Variants in CHAF1A observed in about 807,000 individuals in gnomAD.
CHAF1A encodes CAF-1 subunit A.
Under a neutral mutation model 93.2 loss-of-function variants are expected in CHAF1A, and 5 were observed. That is an observed-to-expected ratio of 0.05 (90% CI 0.03 to 0.11). CHAF1A has a LOEUF of 0.11. Ranked by LOEUF, CHAF1A falls within the 10% of genes least tolerant of loss-of-function variation. The pLI is 1.00. For missense variants in CHAF1A, 1,102 were observed against 1,259.9 expected (o/e 0.87, Z 1.90); for synonymous variants, 504 against 510.3 (o/e 0.99, Z 0.17).
intron 3 of CHAF1A, 22 bp from the exon 4 acceptor site, chr19:4,417,998 G>C (rs373866990): frequency 6.3e-5 from 99 of 1,573,584 alleles, no homozygotes; most frequent in Non-Finnish European, 8.5e-5. Context: ...CGTGTTTAAA[G>C]ATAAACGTCT....
intron 7 of CHAF1A, among the ~76,000 whole-genome samples, chr19:4,426,858 A>G (rs1229192261): frequency 6.6e-6 from 1 of 152,072 alleles, no homozygotes; most frequent in Non-Finnish European, 1.5e-5. Context: ...GGGGAGGCCA[A>G]GGCGGGTGAA....
chr19:4,440,653 T>C (rs547055245), intron 13 of CHAF1A, among the ~76,000 whole-genome samples: 1 of 151,964 alleles, frequency 6.6e-6, no homozygotes, highest in African/African-American at 2.4e-5. Context: ...AATTTCATGG[T>C]TGGGTGGGGC....
chr19:4,436,043 G>A (rs1300365213), intron 13 of CHAF1A, among the ~76,000 whole-genome samples: 14 of 152,088 alleles, frequency 9.2e-5, no homozygotes, highest in Admixed American at 9.2e-4. Context: ...GGAGGTTGAG[G>A]CAGGAGAATC....
intron 2 of CHAF1A, among the ~76,000 whole-genome samples, chr19:4,407,806 GGTGTAGTA>G (rs1322511386): frequency 6.6e-6 from 1 of 151,950 alleles, no homozygotes; most frequent in Non-Finnish European, 1.5e-5. Context: ...AAATTAGCTG[GGTGTAGTA>G]GTGCATGCCT....
In CHAF1A at chr19:4,409,526, C is replaced by G. The variant is rs1269656590; in HGVS notation, c.727C>G (p.Gln243Glu). 4 of 1,614,110 alleles carry G rather than the reference C, an allele frequency of 2.5e-6. No individual in the cohort carries two copies. The highest frequency in any genetic ancestry group is 1.1e-5 in the South Asian group (1 of 91,082). The change falls in exon 3 of 15, where the codon CAG becomes GAG. Residue 243 changes from glutamine (Q) to glutamate (E), a missense_variant. Physicochemically the swap from Gln to Glu is conservative, Grantham distance 29. Coordinates refer to ENST00000301280, the MANE Select transcript of CHAF1A (RefSeq NM_005483.3). ...AGGGAAGGTGCCTATGGTGGTCTTG[C>G]AGGACATCTTGGCTGTGAGACCACC... ...FKGKVPMVVL[Q>E]DILAVRPPQI...
intron 3 of CHAF1A, among the ~76,000 whole-genome samples, chr19:4,413,537 G>A (rs887452347): frequency 1.3e-5 from 2 of 152,162 alleles, no homozygotes; most frequent in Non-Finnish European, 2.9e-5. Context: ...AGATTGTTTC[G>A]CACTGCCGTG....
At chr19:4,417,013 T>A (rs948987221) in intron 3 of CHAF1A, among the ~76,000 whole-genome samples, 2 of 152,190 alleles carry the variant, frequency 1.3e-5, no homozygotes, top group African/African-American at 4.8e-5. Context: ...TTTTATTTTT[T>A]TTTTAGACAG....
At chr19:4,448,106 C>A, downstream of CHAF1A, 1 of 595,282 alleles carries the variant, frequency 1.7e-6, no homozygotes, top group Non-Finnish European at 3.0e-6. Flanking sequence ...ATTCCTTCAA[C>A]ACCTTCATTT....
intron 3 of CHAF1A, among the ~76,000 whole-genome samples, chr19:4,414,415 A>G (rs1411992968): frequency 6.6e-6 from 1 of 151,896 alleles, no homozygotes; most frequent in Non-Finnish European, 1.5e-5. Context: ...AAAAAAACAA[A>G]AAGGAAAAAG....
chr19:4,447,081 T>C, downstream of CHAF1A: 3 of 654,914 alleles, frequency 4.6e-6, no homozygotes, highest in Non-Finnish European at 7.9e-6. Flanking sequence ...GCAAACCTGC[T>C]TTTCTACGGT....
At chr19:4,439,096 G>A (rs182276456) in intron 13 of CHAF1A, among the ~76,000 whole-genome samples, 16 of 151,862 alleles carry the variant, frequency 1.1e-4, no homozygotes, top group Admixed American at 2.6e-4. Flanking sequence ...CAGCCTGGCC[G>A]ACATGGTGAA....
At chr19:4,440,007 A>G (rs1360733457) in intron 13 of CHAF1A, among the ~76,000 whole-genome samples, 2 of 152,174 alleles carry the variant, frequency 1.3e-5, no homozygotes, top group Non-Finnish European at 2.9e-5. Flanking sequence ...CTACCCAGGA[A>G]TTGATGAGGC....
intron 13 of CHAF1A, among the ~76,000 whole-genome samples, chr19:4,441,846 C>A (rs1010771423): frequency 3.3e-5 from 5 of 151,490 alleles, no homozygotes; most frequent in African/African-American, 1.2e-4. Flanking sequence ...TGCAGTGAGT[C>A]GAGATCGCGC....
At chr19:4,450,757 TCAAAAAAA>T in the CHAF1A span, 1 of 18,616 alleles carries the variant, frequency 5.4e-5, no homozygotes, top group African/African-American at 2.1e-4. Flanking sequence ...AGACTCTGTC[TCAAAAAAA>T]AAAAAAAAAA....
rs2145104151 is a variant in CHAF1A at position 4,422,110 on chromosome 19, A to G, written c.1018-456A>G. ...CTGCAACCTCCGTCTCCTGGTTTCA[A>G]GCAATTCTTCTGCCTCAGCCTCCCC... On this transcript the variant is annotated intron_variant, in intron 4 of 14. Transcript: ENST00000301280. This position sits in a 1 kb window ranked among gnomAD's most constrained non-coding sequence, Gnocchi z 4.6. 6.6e-6 allele frequency among the ~76,000 whole-genome samples: 1 copy of G among 152,046 alleles called. No homozygotes were observed. The highest frequency in any genetic ancestry group is 1.9e-4 in the East Asian group (1 of 5,158).
Position 4,409,777 on chromosome 19 carries a change from A to C in CHAF1A, c.960+18A>C. On this transcript the variant is annotated intron_variant, in intron 3 of 14. Coordinates refer to ENST00000301280, the MANE Select transcript of CHAF1A (RefSeq NM_005483.3). ...TCCGCAGAGTGAGTATCTCCCATGG[A>C]GTCCCTGCACATCAGTGCTCACGGA... The C allele has an allele frequency of 1.3e-6, 2 of 1,591,412 alleles. No individual in the cohort carries two copies. The highest frequency in any genetic ancestry group is 1.7e-6 in the Non-Finnish European group (2 of 1,165,534).
At chr19:4,420,338 G>A (rs555066848) in intron 4 of CHAF1A, among the ~76,000 whole-genome samples, 2 of 152,122 alleles carry the variant, frequency 1.3e-5, no homozygotes, top group East Asian at 3.9e-4. Context: ...CACCTCCCAG[G>A]TTCGAGCGAT....
intron 2 of CHAF1A, among the ~76,000 whole-genome samples, chr19:4,406,258 G>A (rs1452355656): frequency 6.6e-6 from 1 of 152,176 alleles, no homozygotes; most frequent in East Asian, 1.9e-4. Context: ...GCCAGTAAGT[G>A]CATCCTCCAA....
At chr19:4,429,994 C>T (rs948760811) in intron 10 of CHAF1A, 4 of 539,610 alleles carry the variant, frequency 7.4e-6, no homozygotes, top group African/African-American at 1.9e-5. Flanking sequence ...CACTCGCCCA[C>T]GTGGCTGCTG....
Sources: gnomAD v4.1 joint callset for allele counts (sites outside exome capture counted in the v4.1 genomes callset) on GRCh38, gnomAD v4.1.1 for gene constraint, Gnocchi (gnomAD v3.1) non-coding constraint, MANE v1.5 for transcripts, NCBI Gene and HGNC (gene_info 2026-07-23, HGNC 2026-07-21) for gene names.